Variants in CCND3 observed in about 807,000 individuals in gnomAD.
The protein encoded by CCND3 is G1/S-specific cyclin-D3.
Under a neutral mutation model 28.7 loss-of-function variants are expected in CCND3, and 9 were observed. The ratio of observed to expected loss-of-function variants is 0.31; its 90% CI spans 0.19 to 0.55. The LOEUF is 0.55. CCND3 is among the 20% of genes least tolerant of loss of function. The probability of loss-of-function intolerance (pLI) is 0.93; values close to 1 mark genes in which losing one functional copy is unlikely to be tolerated. For synonymous variants in CCND3, 164 were observed against 163.9 expected, an observed-to-expected ratio of 1.00 and a Z score of 0.00; for missense variants, 315 against 385.8, an observed-to-expected ratio of 0.82 and a Z score of 1.54.
intron 1 of CCND3, among the ~76,000 whole-genome samples, chr6:41,994,706 T>C (rs1329134854): frequency 2.6e-5 from 4 of 152,052 alleles, no homozygotes; most frequent in Non-Finnish European, 5.9e-5. Flanking sequence ...GCTGTGCATG[T>C]ATGGCGTAGG....
chr6:42,027,897 GCCA>G (rs1763929160), intron 1 of CCND3, among the ~76,000 whole-genome samples: 1 of 152,092 alleles, frequency 6.6e-6, no homozygotes, highest in Admixed American at 6.6e-5. Flanking sequence ...ACAGGCTCCT[GCCA>G]CCACACCCGG....
intron 1 of CCND3, among the ~76,000 whole-genome samples, chr6:41,955,686 C>A (rs990161292): frequency 1.1e-4 from 17 of 150,924 alleles, no homozygotes; most frequent in African/African-American, 3.6e-4. Context: ...AAACTGTAAT[C>A]CCAGCACTTT....
Position 41,978,236 on chromosome 6 carries a change from C to T in CCND3, c.-45-37651G>A, listed in dbSNP as rs529745968. Among the ~76,000 whole-genome samples the T allele has an allele frequency of 8.6e-4, 129 of 149,646 alleles. 1 individual carries two copies. Among genetic ancestry groups the T allele is most frequent in the Admixed American group, 3.3e-3 (49 of 14,982 alleles). On this transcript the variant is annotated intron_variant, in intron 1 of 4. Transcript: ENST00000372988. Reference sequence around the variant, plus strand: ...AAAAATATAAAAAATTAGCCGGGCACGGTGGCGGGCACCTGTAGTCCCAGC... The same window carrying T: ...AAAAATATAAAAAATTAGCCGGGCATGGTGGCGGGCACCTGTAGTCCCAGC...
intron 1 of CCND3, among the ~76,000 whole-genome samples, chr6:42,020,972 A>C (rs1193569666): frequency 1.3e-5 from 2 of 152,132 alleles, no homozygotes; most frequent in African/African-American, 4.8e-5. Flanking sequence ...GGCTGGCCTC[A>C]AACTCTTGAC....
intron 1 of CCND3, among the ~76,000 whole-genome samples, chr6:41,973,422 A>G (rs571788895): frequency 3.9e-4 from 60 of 152,344 alleles, no homozygotes; most frequent in African/African-American, 1.4e-3. Context: ...CCAACCATAG[A>G]GGACTCATTA....
intron 1 of CCND3, among the ~76,000 whole-genome samples, chr6:42,022,890 T>G (rs1453116749): frequency 6.6e-6 from 1 of 152,128 alleles, no homozygotes; most frequent in Non-Finnish European, 1.5e-5. Context: ...AAGAGCTGGC[T>G]CGGGGTGCTG....
chr6:42,014,814 G>A (rs1166996158), intron 1 of CCND3, among the ~76,000 whole-genome samples: 2 of 152,166 alleles, frequency 1.3e-5, no homozygotes, highest in African/African-American at 4.8e-5. Flanking sequence ...GATTATTTCT[G>A]AGTAGTGGTT....
intron 1 of CCND3, among the ~76,000 whole-genome samples, chr6:42,036,104 T>C (rs1764200216): frequency 6.6e-6 from 1 of 151,210 alleles, no homozygotes; most frequent in African/African-American, 2.4e-5. Context: ...GCGATTCTGC[T>C]GCCTCCACCT....
At chr6:41,955,843 A>C (rs541034514) in intron 1 of CCND3, among the ~76,000 whole-genome samples, 3 of 151,982 alleles carry the variant, frequency 2.0e-5, no homozygotes, top group Non-Finnish European at 1.5e-5. Context: ...TCTCAGCTAC[A>C]TGGGAGGCTG....
chr6:41,976,234 C>A (rs188422740), intron 1 of CCND3, among the ~76,000 whole-genome samples: 1 of 152,042 alleles, frequency 6.6e-6, no homozygotes, highest in Non-Finnish European at 1.5e-5. Context: ...CACCTGTAGT[C>A]CCAGCTACTC....
intron 1 of CCND3, among the ~76,000 whole-genome samples, chr6:41,979,875 ATCCCCC>A (rs1762290189): frequency 6.6e-6 from 1 of 151,844 alleles, no homozygotes; most frequent in African/African-American, 2.4e-5. Context: ...GTCTCAAGTG[ATCCCCC>A]TGCCTCGGCC....
chr6:41,941,511 A>G lies in CCND3; in HGVS notation c.139T>C (p.Cys47Arg). 6.2e-7 allele frequency: 1 copy of G among 1,607,938 alleles called. No individual in the cohort carries two copies. The highest frequency in any genetic ancestry group is 8.5e-7 in the Non-Finnish European group (1 of 1,178,686). Residue 47 changes from cysteine to arginine, a missense_variant, in exon 1 of 5, where the codon TGC (cysteine) becomes CGC (arginine). Coordinates refer to ENST00000372991, the MANE Select transcript of CCND3 (RefSeq NM_001760.5). The surrounding 1 kb of genome is among the most constrained non-coding windows in gnomAD (Gnocchi z 6.1). The stretch of plus-strand genomic sequence containing the variant: ...TGCGGCTTGATCTCCCGCTGCACGC[A>G]CTGGAAGTAGGAGGCGCGGGGTACG... ...RYVPRASYFQ[C>R]VQREIKPHMR... is the part of the protein sequence containing the mutation.
At chr6:42,019,614 C>T (rs1350334847) in intron 1 of CCND3, among the ~76,000 whole-genome samples, 1 of 150,906 alleles carries the variant, frequency 6.6e-6, no homozygotes, top group Non-Finnish European at 1.5e-5. Context: ...AAGAATGAAA[C>T]TATCAGTGAG....
chr6:42,016,938 G>A (rs1763536066), intron 1 of CCND3, among the ~76,000 whole-genome samples: 1 of 152,162 alleles, frequency 6.6e-6, no homozygotes, highest in Non-Finnish European at 1.5e-5. Context: ...ATAATGACCT[G>A]CTAAGTGGGC....
At chr6:41,983,326 C>T (rs1041576280) in intron 1 of CCND3, among the ~76,000 whole-genome samples, 3 of 148,234 alleles carry the variant, frequency 2.0e-5, no homozygotes, top group African/African-American at 7.5e-5. Context: ...GAGTCGAGAT[C>T]GTGCCATTGC....
At chr6:41,974,107 C>T (rs190408619) in intron 1 of CCND3, among the ~76,000 whole-genome samples, 7 of 152,216 alleles carry the variant, frequency 4.6e-5, no homozygotes, top group Admixed American at 6.5e-5. Context: ...CGCTTGAACC[C>T]GGGAGGTGGA....
intron 1 of CCND3, among the ~76,000 whole-genome samples, chr6:42,006,032 T>G (rs377503564): frequency 6.6e-6 from 1 of 151,764 alleles, no homozygotes; most frequent in East Asian, 1.9e-4. Context: ...CAGGGTGTGG[T>G]GTTGTGTGCC....
intron 1 of CCND3, among the ~76,000 whole-genome samples, chr6:42,014,691 G>C (rs1561987600): frequency 6.6e-6 from 1 of 152,132 alleles, no homozygotes; most frequent in Non-Finnish European, 1.5e-5. Flanking sequence ...GGGAGGCTGA[G>C]GTTGGGGGAT....
intron 1 of CCND3, among the ~76,000 whole-genome samples, chr6:41,968,874 C>T (rs1433299271): frequency 6.6e-6 from 1 of 152,094 alleles, no homozygotes; most frequent in Non-Finnish European, 1.5e-5. Context: ...GGTGCGATCT[C>T]TGCTCACTGC....
Sources: allele counts gnomAD v4.1 joint callset (sites outside exome capture counted in the v4.1 genomes callset), GRCh38; gene constraint gnomAD v4.1.1; non-coding constraint Gnocchi (gnomAD v3.1); transcripts MANE v1.5; gene names NCBI Gene and HGNC (gene_info 2026-07-23, HGNC 2026-07-21).